RANBP17: variants seen among roughly 807,000 people sequenced by gnomAD.
The protein encoded by RANBP17 is RAN binding protein 17.
RANBP17 carries 158 observed loss-of-function variants against 141.2 expected under a neutral mutation model. The observed-to-expected ratio is 1.12, with a 90% confidence interval of 0.98 to 1.28. The LOEUF is 1.28. Among genes scored for constraint, RANBP17 ranks in the 50% most tolerant of loss-of-function variants. RANBP17 has a pLI of 0.00. For synonymous variants in RANBP17, 430 were observed against 450.0 expected (o/e 0.96, Z 0.56); for missense variants, 1,438 against 1,290.7 (o/e 1.11, Z -1.75).
intron 25 of RANBP17, among the ~76,000 whole-genome samples, chr5:171,288,815 G>A (rs1768317112): frequency 6.6e-6 from 1 of 152,110 alleles, no homozygotes. Context: ...AGAAATGATG[G>A]TGCCCTGGCC....
chr5:170,885,979 G>A (rs1003225645), intron 3 of RANBP17, among the ~76,000 whole-genome samples: 1 of 151,352 alleles, frequency 6.6e-6, no homozygotes, highest in African/African-American at 2.4e-5. Flanking sequence ...GCTTCCTCCA[G>A]CAGGAATTTA....
chr5:171,202,384 G>T (rs1762347026), intron 19 of RANBP17, among the ~76,000 whole-genome samples: 1 of 152,116 alleles, frequency 6.6e-6, no homozygotes, highest in African/African-American at 2.4e-5. Flanking sequence ...GACATCATCA[G>T]TTTCAAGGAA....
chr5:171,240,918 C>T lies in RANBP17; in HGVS notation c.2423-10C>T. ...TACTTATGTCACTTTCTGCTTTTAT[C>T]CTGAAACAGGTAATCAGATCCTGTC... is the stretch of plus-strand genomic sequence containing the variant. On this transcript the variant is annotated splice_polypyrimidine_tract_variant and intron_variant, in intron 22 of 27. Coordinates refer to ENST00000523189, the MANE Select transcript of RANBP17 (RefSeq NM_022897.5). The T allele has an allele frequency of 1.3e-6, 2 of 1,595,174 alleles. No individual in the cohort carries two copies. Among genetic ancestry groups the T allele is most frequent in the Non-Finnish European group, 1.7e-6 (2 of 1,163,780 alleles).
chr5:170,906,344 T>G (rs769148616), intron 5 of RANBP17, among the ~76,000 whole-genome samples: 11 of 152,032 alleles, frequency 7.2e-5, no homozygotes, highest in Non-Finnish European at 1.5e-4. Flanking sequence ...TATAGGCCAG[T>G]TTTGTAAAAT....
At chr5:170,944,444 T>G (rs989432028) in intron 12 of RANBP17, among the ~76,000 whole-genome samples, 6 of 152,196 alleles carry the variant, frequency 3.9e-5, no homozygotes, top group Admixed American at 1.3e-4. Flanking sequence ...TTTTGATATT[T>G]TTTGGTAGAG....
chr5:170,917,441 C>T (rs986395475), intron 9 of RANBP17, among the ~76,000 whole-genome samples: 6 of 151,922 alleles, frequency 3.9e-5, no homozygotes, highest in African/African-American at 1.5e-4. Context: ...TTTTGTTTTA[C>T]TTTTTATTTT....
rs200432634 is a variant in RANBP17 at position 171,148,615 on chromosome 5, T to TAGAGAG, written c.1711-21505_1711-21500dup. ...ATCTGTATTGATATATATATATATA[T>TAGAGAG]AGAGAGAGAGAGAGAACATTTCATG... On this transcript the variant is annotated intron_variant, in intron 14 of 27. Coordinates refer to ENST00000523189, the MANE Select transcript of RANBP17 (RefSeq NM_022897.5). Among the ~76,000 whole-genome samples the TAGAGAG allele has an allele frequency of 7.0e-4, 104 of 147,850 alleles. 2 individuals carry two copies. Among genetic ancestry groups the TAGAGAG allele is most frequent in the Admixed American group, 4.7e-4 (7 of 14,768 alleles).
chr5:170,864,107 A>C (rs139009851), intron 1 of RANBP17, among the ~76,000 whole-genome samples: 45 of 152,332 alleles, frequency 3.0e-4, no homozygotes, highest in African/African-American at 1.1e-3. Flanking sequence ...AAGTGTGCAT[A>C]TATACGTTTC....
At chr5:171,223,489 G>A (rs1477445241) in intron 22 of RANBP17, among the ~76,000 whole-genome samples, 1 of 152,106 alleles carries the variant, frequency 6.6e-6, no homozygotes, top group African/African-American at 2.4e-5. Context: ...CAAAAAATTA[G>A]CCAGGCGTGG....
chr5:171,155,789 G>T (rs546978369), intron 14 of RANBP17, among the ~76,000 whole-genome samples: 9 of 152,246 alleles, frequency 5.9e-5, no homozygotes, highest in African/African-American at 2.2e-4. Flanking sequence ...TGTTCATCAT[G>T]CATAATTAAC....
chr5:171,294,649 GA>G (rs1469305982), intron 26 of RANBP17, among the ~76,000 whole-genome samples: 1 of 152,160 alleles, frequency 6.6e-6, no homozygotes, highest in Non-Finnish European at 1.5e-5. Flanking sequence ...ACTAATAGAA[GA>G]AGAAAATATA....
At chr5:170,896,989 TG>T in intron 5 of RANBP17, 2 of 1,083,016 alleles carry the variant, frequency 1.8e-6, no homozygotes, top group Non-Finnish European at 1.4e-6. Context: ...CTGCTGCTTC[TG>T]GGACCTGGCA....
chr5:170,862,153 G>C, intron 1 of RANBP17, 102 bp downstream of exon 1: 9 of 1,228,292 alleles, frequency 7.3e-6, no homozygotes, highest in Middle Eastern at 5.9e-4. Context: ...AGGCCGCAGG[G>C]CCGTGGGCCG....
chr5:171,267,444 T>C (rs1766793682), intron 25 of RANBP17, among the ~76,000 whole-genome samples: 1 of 152,204 alleles, frequency 6.6e-6, no homozygotes, highest in Admixed American at 6.5e-5. Context: ...GTTTGTAATT[T>C]GCAAATGTAA....
intron 14 of RANBP17, among the ~76,000 whole-genome samples, chr5:171,047,507 G>A (rs1169651350): frequency 6.8e-6 from 1 of 147,576 alleles, no homozygotes; most frequent in Non-Finnish European, 1.5e-5. Flanking sequence ...TGCGATCTCA[G>A]CTCACTGCAA....
chr5:171,109,120 C>A (rs558038524), intron 14 of RANBP17, among the ~76,000 whole-genome samples: 147 of 152,212 alleles, frequency 9.7e-4, no homozygotes, highest in African/African-American at 3.4e-3. Flanking sequence ...GTATACAGGT[C>A]AAAAATGCCT....
intron 14 of RANBP17, among the ~76,000 whole-genome samples, chr5:171,039,775 G>A (rs1485711184): frequency 2.6e-5 from 4 of 152,088 alleles, no homozygotes; most frequent in African/African-American, 9.7e-5. Context: ...AGAAAATCTA[G>A]AGGAAATGGA....
At chr5:170,952,610 CAGAT>C (rs1327682451) in intron 12 of RANBP17, among the ~76,000 whole-genome samples, 1 of 151,906 alleles carries the variant, frequency 6.6e-6, no homozygotes, top group Non-Finnish European at 1.5e-5. Context: ...TTCTAACAAG[CAGAT>C]AGCCTCTTTT....
At chr5:171,208,034 G>A (rs560314029) in intron 20 of RANBP17, 15 of 152,224 alleles carry the variant, frequency 9.9e-5, no homozygotes, top group South Asian at 4.1e-4. Context: ...ATGTCAAACC[G>A]TCAGTGATGA....
Sources: allele counts gnomAD v4.1 joint callset (sites outside exome capture counted in the v4.1 genomes callset), GRCh38; gene constraint gnomAD v4.1.1; transcripts MANE v1.5; gene names NCBI Gene and HGNC (gene_info 2026-07-23, HGNC 2026-07-21).